Variants in PRIM2 observed in about 807,000 individuals in gnomAD.
PRIM2 encodes DNA primase subunit 2, also known as DNA primase large subunit.
In PRIM2, 39 loss-of-function variants were observed where a neutral mutation model predicts 67.3. The observed-to-expected ratio is 0.58, with a 90% confidence interval of 0.45 to 0.76. The LOEUF (loss-of-function observed/expected upper bound fraction) is 0.76. Among genes scored for constraint, PRIM2 ranks in the 30% least tolerant of loss-of-function variants. The pLI is 0.00. For missense variants in PRIM2, 398 were observed against 598.7 expected, an observed-to-expected ratio of 0.66 and a Z score of 3.50; for synonymous variants, 143 against 198.7, an observed-to-expected ratio of 0.72 and a Z score of 2.36.
intron 7 of PRIM2, among the ~76,000 whole-genome samples, chr6:57,416,190 G>A (rs1230186273): frequency 6.6e-6 from 1 of 152,112 alleles, no homozygotes; most frequent in Non-Finnish European, 1.5e-5. Context: ...TGATCCATGG[G>A]CAGCAGAATG....
At chr6:57,621,581 C>G (rs1477460974) in intron 12 of PRIM2, among the ~76,000 whole-genome samples, 2 of 152,022 alleles carry the variant, frequency 1.3e-5, no homozygotes, top group Admixed American at 1.3e-4. Flanking sequence ...TATACAAAAA[C>G]TCCACTTCTG....
intron 7 of PRIM2, among the ~76,000 whole-genome samples, chr6:57,432,570 C>T (rs571003436): frequency 6.6e-6 from 1 of 152,068 alleles, no homozygotes; most frequent in Non-Finnish European, 1.5e-5. Context: ...GTTATTATGG[C>T]ATTAAAATAA....
chr6:57,468,058 A>T (rs1237900852), intron 7 of PRIM2, among the ~76,000 whole-genome samples: 1 of 152,222 alleles, frequency 6.6e-6, no homozygotes, highest in East Asian at 1.9e-4. Flanking sequence ...TAAATATACA[A>T]TTACGTCATC....
chr6:57,407,179 C>G (rs1770919839), intron 7 of PRIM2, among the ~76,000 whole-genome samples: 2 of 152,122 alleles, frequency 1.3e-5, no homozygotes, highest in African/African-American at 2.4e-5. Flanking sequence ...AAATAATGTT[C>G]AATCTTTGAG....
At position 57,632,117 on chromosome 6, in the gene PRIM2, T is replaced by C. The variant is rs1171266836; in HGVS notation, c.1231-16T>C. 4.0e-6 allele frequency: 6 copies of C among 1,512,654 alleles called. No individual in the cohort carries two copies. Among genetic ancestry groups the C allele is most frequent in the Non-Finnish European group, 4.4e-6 (5 of 1,130,840 alleles). The allele number at this position is 1,512,654 out of a possible 1,614,324, so 93.7% of individuals were successfully genotyped here. ...AATTTCTAATTTTTATTTCTCTTTT[T>C]CCTCATTCATTTTAGATTTTGGATT... is the stretch of plus-strand genomic sequence containing the variant. On this transcript the variant is annotated splice_polypyrimidine_tract_variant and intron_variant, in intron 12 of 13. Transcript: ENST00000615550.
the PRIM2 span, among the ~76,000 whole-genome samples, chr6:57,293,924 C>T: frequency 1.3e-5 from 2 of 151,900 alleles, no homozygotes; most frequent in African/African-American, 2.4e-5. Context: ...ATTTAACAAA[C>T]CTGCATGTTG....
At chr6:57,408,133 G>A (rs1286563253) in intron 7 of PRIM2, among the ~76,000 whole-genome samples, 1 of 152,228 alleles carries the variant, frequency 6.6e-6, no homozygotes, top group African/African-American at 2.4e-5. Context: ...GCCAATCATT[G>A]TGATATGGCT....
intron 7 of PRIM2, among the ~76,000 whole-genome samples, chr6:57,453,632 A>T (rs1437796430): frequency 6.6e-6 from 1 of 152,098 alleles, no homozygotes; most frequent in Non-Finnish European, 1.5e-5. Context: ...TTGCATGTTG[A>T]TTTTGCATCT....
intron 7 of PRIM2, among the ~76,000 whole-genome samples, chr6:57,456,791 C>A (rs1425618458): frequency 6.6e-6 from 1 of 152,134 alleles, no homozygotes; most frequent in Non-Finnish European, 1.5e-5. Context: ...CTCAACTTGT[C>A]AAAGTCATTC....
chr6:57,591,389 A>G (rs1358773508), intron 10 of PRIM2, among the ~76,000 whole-genome samples: 48,796 of 151,974 alleles, frequency 0.32, 7,794 homozygotes, highest in East Asian at 0.44. Flanking sequence ...AGATTCACTT[A>G]TATGTGTGAC....
the PRIM2 span, among the ~76,000 whole-genome samples, chr6:57,282,839 A>T: frequency 6.6e-6 from 1 of 152,114 alleles, no homozygotes. Flanking sequence ...GGTTTAAACT[A>T]CCTAGTCTGT....
intron 4 of PRIM2, among the ~76,000 whole-genome samples, chr6:57,325,294 T>C (rs1358196398): frequency 9.9e-6 from 1 of 101,324 alleles, no homozygotes; most frequent in Non-Finnish European, 2.2e-5. Flanking sequence ...TTTTCTCTTT[T>C]CTCTCTCTCT....
At position 57,325,277 on chromosome 6, in the gene PRIM2, C is replaced by CT. The variant is rs982681766; in HGVS notation, c.339-638dup. Reference sequence around the variant, plus strand: ...AAGGAGTGCCCCATTTCCCCATTTTCTTTTTTTTTTCTCTTTTCTCTCTCT... The same window carrying CT: ...AAGGAGTGCCCCATTTCCCCATTTTCTTTTTTTTTTTCTCTTTTCTCTCTCT... On this transcript the variant is annotated intron_variant, in intron 4 of 13. Coordinates refer to ENST00000615550, the MANE Select transcript of PRIM2 (RefSeq NM_000947.5). Among the ~76,000 whole-genome samples the CT allele has an allele frequency of 1.3e-4, 19 of 144,428 alleles. No homozygotes were observed. In the South Asian group the frequency reaches 2.9e-3, roughly 22 times the overall value. The allele number at this position is 144,428 out of a possible 152,430, so 94.8% of individuals were successfully genotyped here.
At chr6:57,536,474 CT>C (rs1242584356) in intron 9 of PRIM2, among the ~76,000 whole-genome samples, 2 of 152,260 alleles carry the variant, frequency 1.3e-5, no homozygotes, top group Admixed American at 1.3e-4. Flanking sequence ...AAAAGTTCAT[CT>C]GCTATTCAGC....
At chr6:57,418,383 G>GGT (rs1554336216) in intron 7 of PRIM2, among the ~76,000 whole-genome samples, 602 of 47,302 alleles carry the variant, frequency 0.013, 74 homozygotes, top group African/African-American at 0.024. Flanking sequence ...TATGTGTGTG[G>GGT]TTTTTTTTTT....
chr6:57,541,025 C>T (rs1449696549), intron 10 of PRIM2, among the ~76,000 whole-genome samples: 2 of 152,152 alleles, frequency 1.3e-5, no homozygotes, highest in Non-Finnish European at 2.9e-5. Context: ...CCATTGGGCT[C>T]ATAGGAAGTG....
the PRIM2 span, among the ~76,000 whole-genome samples, chr6:57,300,704 C>G: frequency 6.6e-6 from 1 of 152,104 alleles, no homozygotes; most frequent in Non-Finnish European, 1.5e-5. Flanking sequence ...TCTCTACTAG[C>G]GTAGTTCTGG....
chr6:57,604,033 G>T (rs1480963918), intron 11 of PRIM2, among the ~76,000 whole-genome samples: 3 of 152,166 alleles, frequency 2.0e-5, no homozygotes, highest in Non-Finnish European at 4.4e-5. Flanking sequence ...AAGGCTGGTT[G>T]TGGTGGATCA....
chr6:57,222,967 A>G, the PRIM2 span, among the ~76,000 whole-genome samples: 1 of 152,210 alleles, frequency 6.6e-6, no homozygotes, highest in Non-Finnish European at 1.5e-5. Context: ...AGAAACGAAT[A>G]CTTAGGGTGC....
Sources: allele counts gnomAD v4.1 joint callset (sites outside exome capture counted in the v4.1 genomes callset), GRCh38; gene constraint gnomAD v4.1.1; transcripts MANE v1.5; gene names NCBI Gene and HGNC (gene_info 2026-07-23, HGNC 2026-07-21).